ROBO1: variants seen among roughly 807,000 people sequenced by gnomAD.
ROBO1 encodes the protein roundabout homolog 1.
A neutral mutation model predicts 195.9 loss-of-function variants in ROBO1; 149 were observed. The ratio of observed to expected loss-of-function variants is 0.76; its 90% confidence interval spans 0.67 to 0.87. The LOEUF is 0.87. Among genes scored for constraint, ROBO1 ranks in the 40% least tolerant of loss-of-function variants. The pLI is 0.00. For synonymous variants in ROBO1, 816 were observed against 733.2 expected (o/e 1.11, Z -1.82); for missense variants, 1,933 against 2,068.3 (o/e 0.93, Z 1.27).
intron 29 of ROBO1, among the ~76,000 whole-genome samples, chr3:78,600,880 G>A (rs1228705423): frequency 6.6e-6 from 1 of 152,076 alleles, no homozygotes; most frequent in Non-Finnish European, 1.5e-5. Context: ...ACCAAGCCTG[G>A]TTTCACTCCA....
At chr3:79,299,056 A>G (rs2032746147) in intron 2 of ROBO1, among the ~76,000 whole-genome samples, 1 of 152,178 alleles carries the variant, frequency 6.6e-6, no homozygotes, top group Non-Finnish European at 1.5e-5. Flanking sequence ...ACACTTCCAA[A>G]AAAGCTAAAT....
In ROBO1 at chr3:78,841,061, CA is replaced by C. The variant is rs35964780; in HGVS notation, c.500-94162del. ...TGGGTGACAGAGCAAGACTGTGTCT[CA>C]AAAAAAAAAAAAAGTAAGTTATATA... On this transcript the variant is annotated intron_variant, in intron 4 of 30. Coordinates refer to ENST00000464233, the MANE Select transcript of ROBO1 (RefSeq NM_002941.4). 1.6e-3 allele frequency among the ~76,000 whole-genome samples: 190 copies of C among 118,732 alleles called. No homozygotes were observed. In the Middle Eastern group the frequency reaches 0.017, roughly 11 times the overall value. 77.9% of individuals were successfully genotyped at this position (118,732 alleles called of 152,430 possible). A position where few individuals can be genotyped will look rare whatever the true frequency, so the allele number is the denominator to read the frequency against.
intron 2 of ROBO1, among the ~76,000 whole-genome samples, chr3:79,428,211 A>T (rs1054983309): frequency 1.3e-5 from 2 of 152,156 alleles, no homozygotes; most frequent in Non-Finnish European, 2.9e-5. Flanking sequence ...TGTCCAATAG[A>T]GGTATCAGAG....
intron 2 of ROBO1, among the ~76,000 whole-genome samples, chr3:79,542,953 A>G (rs1184543899): frequency 2.6e-5 from 4 of 152,110 alleles, no homozygotes; most frequent in South Asian, 4.1e-4. Flanking sequence ...CAAGAATATC[A>G]CATTTTATTA....
intron 1 of ROBO1, among the ~76,000 whole-genome samples, chr3:79,754,406 T>C (rs535389103): frequency 6.6e-6 from 1 of 152,302 alleles, no homozygotes; most frequent in South Asian, 2.1e-4. Context: ...CAGATTGGTA[T>C]TTAATAGATG....
intron 4 of ROBO1, among the ~76,000 whole-genome samples, chr3:78,836,367 C>T (rs991046530): frequency 6.6e-6 from 1 of 151,634 alleles, no homozygotes; most frequent in African/African-American, 2.4e-5. Flanking sequence ...AAAACATTAG[C>T]GGGGTGTGGT....
intron 2 of ROBO1, among the ~76,000 whole-genome samples, chr3:79,343,606 G>T (rs930778750): frequency 6.6e-6 from 1 of 152,098 alleles, no homozygotes; most frequent in South Asian, 2.1e-4. Context: ...TGCAGTAAAC[G>T]TAAACGTGGA....
rs567925611 is a variant in ROBO1 at position 78,656,264 on chromosome 3, C to T, written c.2614+834G>A. Reference sequence around the variant, plus strand: ...ATAAACAATTACAATTTTAAATAGACACTACCTGTGAATATAAATTGGTCG... The same window carrying T: ...ATAAACAATTACAATTTTAAATAGATACTACCTGTGAATATAAATTGGTCG... On this transcript the variant is annotated intron_variant, in intron 18 of 30. Coordinates refer to ENST00000464233, the MANE Select transcript of ROBO1 (RefSeq NM_002941.4). 1.7e-3 allele frequency among the ~76,000 whole-genome samples: 264 copies of T among 151,750 alleles called. 2 individuals carry two copies. Among genetic ancestry groups the T allele is most frequent in the African/African-American group, 6.1e-3 (254 of 41,372 alleles).
rs867654993 is a variant in ROBO1, at chr3:79,539,916, C to A, written c.88+49908G>T. 8.1e-5 allele frequency among the ~76,000 whole-genome samples: 10 copies of A among 122,826 alleles called. No homozygotes were observed. The South Asian group carries it at 2.0e-3, about 24-fold the overall frequency. 80.6% of individuals were successfully genotyped at this position (122,826 alleles called of 152,430 possible). On this transcript the variant is annotated intron_variant, in intron 2 of 30. Coordinates refer to ENST00000464233, the MANE Select transcript of ROBO1 (RefSeq NM_002941.4). ...TTGCCCAGAGGAATTCTGCAGTGAT[C>A]CAAAGATTAATTTTATATGTGACCC...
At chr3:79,358,519 T>C (rs2035646935) in intron 2 of ROBO1, among the ~76,000 whole-genome samples, 1 of 152,066 alleles carries the variant, frequency 6.6e-6, no homozygotes, top group African/African-American at 2.4e-5. Context: ...CCTCTATTTG[T>C]TGATCTCCCA....
chr3:79,738,674 G>T lies in ROBO1; in HGVS notation c.-51+29078C>A, dbSNP rs190020498. Among the ~76,000 whole-genome samples, 5 of 152,250 alleles carry T rather than the reference G, an allele frequency of 3.3e-5. No homozygotes were observed. The East Asian group carries it at 9.6e-4, about 29-fold the overall frequency. On this transcript the variant is annotated intron_variant, in intron 1 of 30. Coordinates refer to ENST00000464233, the MANE Select transcript of ROBO1 (RefSeq NM_002941.4). ...CTGTTTTGAGTTAAAATGGGGAAAA[G>T]TATTCAAAGTAAATATGACTTGATA...
chr3:78,986,534 C>A (rs1267730926), intron 3 of ROBO1, among the ~76,000 whole-genome samples: 1 of 152,066 alleles, frequency 6.6e-6, no homozygotes, highest in African/African-American at 2.4e-5. Flanking sequence ...CCAAGCTGAT[C>A]AAATGCAGAC....
intron 17 of ROBO1, among the ~76,000 whole-genome samples, chr3:78,658,946 G>A (rs967404402): frequency 7.2e-5 from 11 of 152,048 alleles, no homozygotes; most frequent in Admixed American, 5.9e-4. Context: ...ATGAAGTTAC[G>A]TGAAATCCAC....
At chr3:79,078,056 T>C (rs1475905349) in intron 3 of ROBO1, among the ~76,000 whole-genome samples, 5 of 151,832 alleles carry the variant, frequency 3.3e-5, no homozygotes, top group South Asian at 2.1e-4. Context: ...AGACTACTTA[T>C]CTTTGTGATT....
At chr3:78,946,680 T>A (rs1396683335) in intron 3 of ROBO1, among the ~76,000 whole-genome samples, 1 of 152,086 alleles carries the variant, frequency 6.6e-6, no homozygotes, top group Non-Finnish European at 1.5e-5. Flanking sequence ...CAATATTAAC[T>A]TTAAATGTAA....
intron 1 of ROBO1, among the ~76,000 whole-genome samples, chr3:79,750,741 G>A (rs1273868354): frequency 6.6e-6 from 1 of 152,156 alleles, no homozygotes; most frequent in Admixed American, 6.6e-5. Flanking sequence ...GGCTTCCCCA[G>A]TCATGTGGAA....
At chr3:79,599,228 G>C (rs1482403558) in intron 1 of ROBO1, among the ~76,000 whole-genome samples, 1 of 152,022 alleles carries the variant, frequency 6.6e-6, no homozygotes, top group East Asian at 1.9e-4. Context: ...AGTACTAGAT[G>C]AAGCCTGAAA....
At chr3:79,560,672 A>G (rs1942886062) in intron 2 of ROBO1, among the ~76,000 whole-genome samples, 1 of 151,384 alleles carries the variant, frequency 6.6e-6, no homozygotes, top group African/African-American at 2.4e-5. Context: ...CGTAGATCTC[A>G]CAGGATTAGG....
intron 4 of ROBO1, among the ~76,000 whole-genome samples, chr3:78,866,494 C>T (rs1353840810): frequency 6.6e-6 from 1 of 152,094 alleles, no homozygotes; most frequent in Non-Finnish European, 1.5e-5. Flanking sequence ...TCTTTCCATT[C>T]GCACCCTCCC....
Sources: gnomAD v4.1 joint callset for allele counts (sites outside exome capture counted in the v4.1 genomes callset) on GRCh38, gnomAD v4.1.1 for gene constraint, MANE v1.5 for transcripts, NCBI Gene and HGNC (gene_info 2026-07-23, HGNC 2026-07-21) for gene names.